The following USB1 variants were observed in gnomAD, a reference collection of about 807,000 sequenced individuals.
USB1 encodes U6 snRNA phosphodiesterase 1.
A neutral mutation model predicts 29.9 loss-of-function variants in USB1; 21 were observed. That is an observed-to-expected ratio of 0.70 (90% CI 0.50 to 1.01). The LOEUF is 1.01. Ranked by LOEUF, USB1 falls within the 50% of genes least tolerant of loss-of-function variation. The pLI is 0.00. For missense variants in USB1, 330 were observed against 347.1 expected (o/e 0.95, Z 0.39); for synonymous variants, 143 against 134.9 (o/e 1.06, Z -0.42).
intron 4 of USB1, 124 bp from the exon 5 acceptor site, chr16:58,017,210 C>G: frequency 1.2e-6 from 1 of 817,132 alleles, no homozygotes; most frequent in Non-Finnish European, 2.2e-6. Context: ...AGCGAGTGTA[C>G]CAGGGAGACG....
intron 3 of USB1, chr16:58,011,018 C>T (rs1379008501): frequency 1.4e-6 from 1 of 710,666 alleles, no homozygotes; most frequent in South Asian, 1.5e-5. Flanking sequence ...CTGTGATCAG[C>T]CCCCATCCAG....
chr16:58,011,137 A>C (rs1321183551), intron 3 of USB1: 2 of 1,344,054 alleles, frequency 1.5e-6, no homozygotes, highest in Non-Finnish European at 2.1e-6. Context: ...TAATAGAACA[A>C]AAGATGCTCC....
At chr16:58,014,874 C>T (rs908967134) in intron 4 of USB1, among the ~76,000 whole-genome samples, 4 of 152,032 alleles carry the variant, frequency 2.6e-5, no homozygotes, top group Admixed American at 2.0e-4. Context: ...GTCAGGAGTT[C>T]GAGACCAGCC....
Position 58,014,276 on chromosome 16 carries a change from C to A in USB1, c.453C>A (p.Phe151Leu). Residue 151 changes from phenylalanine (F) to leucine (L), a missense_variant, in exon 4 of 7, where the codon TTC (phenylalanine) becomes TTA (leucine). Coordinates refer to ENST00000219281, the MANE Select transcript of USB1 (RefSeq NM_024598.4). ...LKARMTSFHR[F>L]FFTANQVKIY... ...AATATGGTCTTCTAAATTTCAGATT[C>A]TTCTTTACTGCCAACCAGGTAAAGA... 1.2e-6 allele frequency: 2 copies of A among 1,612,972 alleles called. No homozygotes were observed. The highest frequency in any genetic ancestry group is 1.7e-6 in the Non-Finnish European group (2 of 1,179,356).
At chr16:58,019,180 C>A in intron 6 of USB1, 125 bp downstream of exon 6, 1 of 922,330 alleles carries the variant, frequency 1.1e-6, no homozygotes, top group Non-Finnish European at 1.7e-6. Flanking sequence ...TGGCAGGAGA[C>A]CCCAACACCT....
intron 3 of USB1, chr16:58,012,944 T>C: frequency 1.0e-6 from 1 of 986,036 alleles, no homozygotes. Flanking sequence ...GATGTATATG[T>C]GGCTGGTTCC....
At chr16:58,007,096 ATGT>A (rs1177227341) in intron 2 of USB1, among the ~76,000 whole-genome samples, 1 of 152,100 alleles carries the variant, frequency 6.6e-6, no homozygotes, top group African/African-American at 2.4e-5. Context: ...TTCTCTTTAT[ATGT>A]TGTTGTATTC....
intron 5 of USB1, among the ~76,000 whole-genome samples, chr16:58,018,276 G>A (rs1963663439): frequency 6.7e-6 from 1 of 149,334 alleles, no homozygotes; most frequent in South Asian, 2.1e-4. Context: ...GCCCATGCTG[G>A]AGTGCAGTGG....
chr16:58,016,307 A>C (rs533011965), intron 4 of USB1: 9 of 152,256 alleles, frequency 5.9e-5, no homozygotes, highest in Non-Finnish European at 1.3e-4. Context: ...GTTTTCTGTG[A>C]TAAGAGACAC....
chr16:58,018,346 C>T (rs1318284384), intron 5 of USB1, among the ~76,000 whole-genome samples: 1 of 151,790 alleles, frequency 6.6e-6, no homozygotes, highest in Non-Finnish European at 1.5e-5. Context: ...GCCTCAGTCT[C>T]CCAAGTGGCT....
chr16:58,017,589 T>G (rs1031780834), intron 5 of USB1, 150 bp downstream of exon 5: 7 of 755,684 alleles, frequency 9.3e-6, no homozygotes, highest in Non-Finnish European at 1.6e-5. Context: ...GATGCACACC[T>G]CGGGGGGTGA....
chr16:58,008,370 CT>C (rs994558175), intron 2 of USB1, among the ~76,000 whole-genome samples: 2 of 151,478 alleles, frequency 1.3e-5, no homozygotes, highest in South Asian at 2.1e-4. Flanking sequence ...TTTACTTCTG[CT>C]TACTTTGGAT....
rs201324869 is a variant in USB1 at position 58,010,395 on chromosome 16, G to GT, written c.449+290dup. 0.058 allele frequency among the ~76,000 whole-genome samples: 8,862 copies of GT among 152,246 alleles called. 376 individuals are homozygous for GT. Among genetic ancestry groups the GT allele is most frequent in the East Asian group, 0.094 (488 of 5,182 alleles). ...GCACTTCTGTGACCAGATGTGTTGA[G>GT]TTTTTTTCCACACCAACAAATTATC... On this transcript the variant is annotated intron_variant, in intron 3 of 6. Transcript: ENST00000219281.
intron 3 of USB1, 27 bp from the exon 4 acceptor site, chr16:58,014,246 C>T (rs1963563299): frequency 1.3e-6 from 2 of 1,587,816 alleles, no homozygotes; most frequent in African/African-American, 2.7e-5. Flanking sequence ...TACGATTTTT[C>T]CTGAAATATG....
chr16:58,009,884 C>T (rs1409469875), intron 2 of USB1, 45 bp from the exon 3 acceptor site: 7 of 1,613,400 alleles, frequency 4.3e-6, no homozygotes, highest in Middle Eastern at 1.7e-4. Context: ...AGCCATGGCA[C>T]CTTGGCTGAG....
Position 58,010,077 on chromosome 16 carries a change from G to A in USB1, c.414G>A (p.Val138=). Residue 138 remains valine (V), a synonymous_variant, in exon 3 of 7, where the codon GTG becomes GTA. Transcript: ENST00000219281. ...GCCACCACTGGATCCTCCCCTTCGT[G>A]CAGGCTCTGAAAGCCCGTATGACCT... The part of the protein sequence containing the change: ...VLRHHWILPF[V]QALKARMTSF... 26 of 1,614,108 alleles carry A rather than the reference G, an allele frequency of 1.6e-5. No individual in the cohort carries two copies. The highest frequency in any genetic ancestry group is 2.1e-5 in the Non-Finnish European group (25 of 1,180,008).
chr16:58,001,354 C>T (rs966378009), upstream of USB1: 11 of 1,096,190 alleles, frequency 1.0e-5, no homozygotes, highest in South Asian at 1.1e-4. Flanking sequence ...GGTTCCGCCC[C>T]TCCCGGCTCC....
chr16:58,000,305 G>A (rs1389717844), upstream of USB1: 2 of 151,952 alleles, frequency 1.3e-5, no homozygotes, highest in Non-Finnish European at 2.9e-5. This position sits in a 1 kb window ranked among gnomAD's most constrained non-coding sequence, Gnocchi z 4.5. Flanking sequence ...AGGTCGCGGC[G>A]GAGGGGCGCG....
chr16:58,001,855 C>T (rs1426388475), intron 1 of USB1, among the ~76,000 whole-genome samples: 1 of 152,072 alleles, frequency 6.6e-6, no homozygotes, highest in Non-Finnish European at 1.5e-5. Context: ...GCCTGGCACA[C>T]ATCCCTGTAC....
Sources: gnomAD v4.1 joint callset for allele counts (sites outside exome capture counted in the v4.1 genomes callset) on GRCh38, gnomAD v4.1.1 for gene constraint, Gnocchi (gnomAD v3.1) non-coding constraint, MANE v1.5 for transcripts, NCBI Gene and HGNC (gene_info 2026-07-23, HGNC 2026-07-21) for gene names.